Variants in PDE1A observed in about 807,000 individuals in gnomAD.
The protein encoded by PDE1A is phosphodiesterase 1A, also known as dual specificity calcium/calmodulin-dependent 3',5'-cyclic nucleotide phosphodiesterase 1A.
A neutral mutation model predicts 61.7 loss-of-function variants in PDE1A; 35 were observed. The observed-to-expected ratio is 0.57, with a 90% CI of 0.43 to 0.75. The LOEUF is 0.75. Among genes scored for constraint, PDE1A ranks in the 30% least tolerant of loss-of-function variants. The pLI is 0.00. For synonymous variants in PDE1A, 232 were observed against 213.2 expected (o/e 1.09, Z -0.77); for missense variants, 597 against 630.6 (o/e 0.95, Z 0.57).
At chr2:182,675,318 T>C in the PDE1A span, among the ~76,000 whole-genome samples, 5 of 152,198 alleles carry the variant, frequency 3.3e-5, no homozygotes, top group Admixed American at 3.3e-4. Flanking sequence ...TAGTATTCTA[T>C]GGTGTATATT....
At chr2:182,530,078 A>G in the PDE1A span, among the ~76,000 whole-genome samples, 10 of 152,240 alleles carry the variant, frequency 6.6e-5, no homozygotes, top group Non-Finnish European at 1.2e-4. Flanking sequence ...AAATTCAGGA[A>G]GCAAAACACA....
chr2:182,411,597 C>T (rs1286349162), intron 1 of PDE1A, among the ~76,000 whole-genome samples: 2 of 152,142 alleles, frequency 1.3e-5, no homozygotes, highest in Non-Finnish European at 2.9e-5. Context: ...CTTTCAGTCC[C>T]ATCGGCCATG....
chr2:182,195,844 A>G (rs1437990399), intron 10 of PDE1A, among the ~76,000 whole-genome samples: 7 of 152,204 alleles, frequency 4.6e-5, no homozygotes, highest in Admixed American at 4.6e-4. Flanking sequence ...GAACAAAAAT[A>G]AAACATACAA....
chr2:182,364,456 A>T (rs1234481788), intron 1 of PDE1A, among the ~76,000 whole-genome samples: 2 of 129,880 alleles, frequency 1.5e-5, no homozygotes, highest in Non-Finnish European at 3.3e-5. Flanking sequence ...ACTATATTAG[A>T]ACACTTTGGT....
At chr2:182,531,344 T>C in the PDE1A span, among the ~76,000 whole-genome samples, 1 of 141,228 alleles carries the variant, frequency 7.1e-6, no homozygotes, top group Non-Finnish European at 1.5e-5. Context: ...ACTTCAAATG[T>C]AAAAGCTCAA....
chr2:182,629,034 T>G, the PDE1A span, among the ~76,000 whole-genome samples: 1 of 152,150 alleles, frequency 6.6e-6, no homozygotes, highest in African/African-American at 2.4e-5. Context: ...GAACTGCCTA[T>G]GGAGAGGGCC....
chr2:182,561,615 G>A, the PDE1A span, among the ~76,000 whole-genome samples: 1 of 152,156 alleles, frequency 6.6e-6, no homozygotes, highest in East Asian at 1.9e-4. Context: ...AGCTTGATGG[G>A]AATGCTATTG....
intron 2 of PDE1A, among the ~76,000 whole-genome samples, chr2:182,473,859 TG>T (rs1242327154): frequency 6.6e-6 from 1 of 152,082 alleles, no homozygotes; most frequent in African/African-American, 2.4e-5. Flanking sequence ...ATGGTATATA[TG>T]TGCCACCTTT....
At chr2:182,573,654 T>C in the PDE1A span, among the ~76,000 whole-genome samples, 1 of 151,872 alleles carries the variant, frequency 6.6e-6, no homozygotes, top group Non-Finnish European at 1.5e-5. Context: ...TCGTTAGTAA[T>C]TTCTTAGTTA....
chr2:182,611,114 T>C, the PDE1A span, among the ~76,000 whole-genome samples: 1 of 152,146 alleles, frequency 6.6e-6, no homozygotes, highest in Admixed American at 6.5e-5. Flanking sequence ...CAGGGCCCAG[T>C]TTCTTCTCTA....
At chr2:182,676,182 AG>A in the PDE1A span, among the ~76,000 whole-genome samples, 1 of 152,208 alleles carries the variant, frequency 6.6e-6, no homozygotes, top group African/African-American at 2.4e-5. Flanking sequence ...CTAGTAAAGA[AG>A]AAAAGAGAGA....
chr2:182,688,508 TACAA>T, the PDE1A span, among the ~76,000 whole-genome samples: 1 of 152,142 alleles, frequency 6.6e-6, no homozygotes, highest in African/African-American at 2.4e-5. Context: ...AGGCCTACCC[TACAA>T]GAGCTCCTGA....
chr2:182,409,628 T>C (rs1302295296), intron 1 of PDE1A, among the ~76,000 whole-genome samples: 1 of 152,198 alleles, frequency 6.6e-6, no homozygotes, highest in African/African-American at 2.4e-5. Context: ...GATGGGCCTG[T>C]GGGTGCCTGT....
the PDE1A span, among the ~76,000 whole-genome samples, chr2:182,697,890 G>C: frequency 6.6e-6 from 1 of 152,174 alleles, no homozygotes; most frequent in South Asian, 2.1e-4. Flanking sequence ...ATAGATGAGT[G>C]CTACAATTCA....
intron 5 of PDE1A, among the ~76,000 whole-genome samples, chr2:182,230,777 T>C (rs1423866612): frequency 6.6e-6 from 1 of 152,144 alleles, no homozygotes; most frequent in Admixed American, 6.5e-5. Context: ...TCAGGGGATA[T>C]TGGCATCTTG....
At chr2:182,180,497 T>A (rs1684663892) in intron 13 of PDE1A, among the ~76,000 whole-genome samples, 1 of 152,170 alleles carries the variant, frequency 6.6e-6, no homozygotes, top group Non-Finnish European at 1.5e-5. Context: ...CCTGACCTTT[T>A]TCTCTGGCTG....
At chr2:182,528,925 T>C in the PDE1A span, among the ~76,000 whole-genome samples, 10 of 152,164 alleles carry the variant, frequency 6.6e-5, 1 homozygote, top group Admixed American at 2.0e-4. Context: ...AGAGGATGTA[T>C]GGAAATATCT....
intron 7 of PDE1A, among the ~76,000 whole-genome samples, chr2:182,209,620 G>C (rs910879061): frequency 2.6e-4 from 39 of 151,790 alleles, no homozygotes; most frequent in Non-Finnish European, 7.4e-5. Flanking sequence ...CTAGATCATG[G>C]GGGTGAGTAT....
the PDE1A span, among the ~76,000 whole-genome samples, chr2:182,590,126 A>G: frequency 0.27 from 40,986 of 152,144 alleles, 5,939 homozygotes; most frequent in East Asian, 0.33. Context: ...GAGACGTAGC[A>G]TACCCACCTT....
Sources: allele counts gnomAD v4.1 joint callset (sites outside exome capture counted in the v4.1 genomes callset), GRCh38; gene constraint gnomAD v4.1.1; transcripts MANE v1.5; gene names NCBI Gene and HGNC (gene_info 2026-07-23, HGNC 2026-07-21).